Variants in DOCK6 observed in about 807,000 individuals in gnomAD.
The protein encoded by DOCK6 is dedicator of cytokinesis 6, also known as dedicator of cytokinesis protein 6.
DOCK6 carries 167 observed loss-of-function variants against 230.3 expected under a neutral mutation model. The observed-to-expected ratio is 0.73, with a 90% confidence interval of 0.64 to 0.82. The LOEUF is 0.82. DOCK6 is among the 40% of genes least tolerant of loss of function. The probability of loss-of-function intolerance (pLI) is 0.00; values close to 1 mark genes in which losing one functional copy is unlikely to be tolerated. For synonymous variants in DOCK6, 1,148 were observed against 1,185.0 expected (o/e 0.97, Z 0.64); for missense variants, 2,598 against 2,825.8 (o/e 0.92, Z 1.83).
intron 21 of DOCK6, among the ~76,000 whole-genome samples, chr19:11,234,437 AAAG>A (rs1487033144): frequency 1.3e-5 from 2 of 151,904 alleles, no homozygotes; most frequent in African/African-American, 2.4e-5. Context: ...AGAAAAAAAA[AAAG>A]AAGAAAAAAG....
Position 11,233,210 on chromosome 19 carries a change from G to A in DOCK6, c.2711C>T (p.Ala904Val). Reference protein sequence around the residue: ...SVDDEVSRILASKLLHEELAL... With the variant: ...SVDDEVSRILVSKLLHEELAL... ...GGGCCCCCGTTGCCCTACCTTGCTG[G>A]CCAGGATGCGGGAAACCTCGTCATC... is the stretch of plus-strand genomic sequence containing the variant. The change falls in exon 22 of 48, where the codon GCC becomes GTC. Residue 904 changes from alanine to valine, a missense_variant. Transcript: ENST00000294618. 6.2e-7 allele frequency: 1 copy of A among 1,613,206 alleles called. No individual in the cohort carries two copies. Among genetic ancestry groups the A allele is most frequent in the South Asian group, 1.1e-5 (1 of 90,998 alleles).
chr19:11,237,182 G>A (rs1046948068), intron 18 of DOCK6: 9 of 592,622 alleles, frequency 1.5e-5, no homozygotes, highest in African/African-American at 1.3e-4. Context: ...TGCATTCATG[G>A]GGAATGATAA....
chr19:11,249,775 G>A (rs1489285651), intron 6 of DOCK6, among the ~76,000 whole-genome samples: 9 of 149,852 alleles, frequency 6.0e-5, no homozygotes, highest in Admixed American at 4.7e-4. Context: ...GCTGGCGCCT[G>A]TAGTCCCAGC....
chr19:11,235,798 G>T (rs762930194), intron 20 of DOCK6, 39 bp from the exon 21 acceptor site: 1 of 1,548,334 alleles, frequency 6.5e-7, no homozygotes. Flanking sequence ...AGGGCCCAAG[G>T]CCTCTCACCT....
chr19:11,229,846 A>G (rs1462576463), intron 22 of DOCK6, among the ~76,000 whole-genome samples: 2 of 151,712 alleles, frequency 1.3e-5, no homozygotes, highest in Non-Finnish European at 2.9e-5. Context: ...ATAGTCAGAC[A>G]TTGACTCTAC....
At chr19:11,223,143 AC>A (rs762390190) in intron 24 of DOCK6, 37 bp from the exon 25 acceptor site, 1 of 1,588,698 alleles carries the variant, frequency 6.3e-7, no homozygotes, top group Non-Finnish European at 8.6e-7. Context: ...ACACACCCAA[AC>A]CTCAGCCCCG....
intron 22 of DOCK6, chr19:11,229,286 T>A: frequency 7.8e-7 from 1 of 1,275,378 alleles, no homozygotes; most frequent in Non-Finnish European, 1.0e-6. Flanking sequence ...CATCCGCACC[T>A]CCCCCCACTA....
At chr19:11,246,867 A>G (rs952230217) in intron 7 of DOCK6, among the ~76,000 whole-genome samples, 1 of 151,892 alleles carries the variant, frequency 6.6e-6, no homozygotes, top group African/African-American at 2.4e-5. Context: ...AAACTGAAAC[A>G]CTGAGCACTC....
Position 11,214,536 on chromosome 19 carries a change from G to A in DOCK6, c.4203+17C>T. 1 of 1,613,814 alleles carries A rather than the reference G, an allele frequency of 6.2e-7. No homozygotes were observed. Among genetic ancestry groups the A allele is most frequent in the Non-Finnish European group, 8.5e-7 (1 of 1,179,780 alleles). On this transcript the variant is annotated intron_variant, in intron 33 of 47. Coordinates refer to ENST00000294618, the MANE Select transcript of DOCK6 (RefSeq NM_020812.4). ...GTTGGGCTCAGAGCACAAGGCAGAT[G>A]CTGGATCAAGCCCTACCTGCACGAT...
chr19:11,257,945 T>TAC lies in DOCK6; in HGVS notation c.45-4221_45-4220dup, dbSNP rs149743240. ...ACCCCATTTCTAATAAACACAAATGTACACACACACACGCACACAGAAAAA... is the reference window on the plus strand; with the variant it reads ...ACCCCATTTCTAATAAACACAAATGTACACACACACACACGCACACAGAAAAA... On this transcript the variant is annotated intron_variant, in intron 1 of 47. Transcript: ENST00000294618. 6.1e-3 allele frequency among the ~76,000 whole-genome samples: 923 copies of TAC among 151,944 alleles called. 5 individuals are homozygous for TAC. The highest frequency in any genetic ancestry group is 7.7e-3 in the Non-Finnish European group (526 of 67,948).
chr19:11,228,852 A>G (rs1459890238), intron 23 of DOCK6, 88 bp downstream of exon 23: 4 of 1,312,224 alleles, frequency 3.0e-6, no homozygotes, highest in Non-Finnish European at 3.2e-6. Flanking sequence ...GTGAGCCACT[A>G]TGCCTGGCCA....
intron 32 of DOCK6, among the ~76,000 whole-genome samples, chr19:11,214,916 C>T (rs2079456009): frequency 6.6e-6 from 1 of 151,778 alleles, no homozygotes; most frequent in South Asian, 2.1e-4. Context: ...GCTGGGACCA[C>T]AGGCACATGC....
At chr19:11,221,598 AG>A in intron 28 of DOCK6, 1 of 526,028 alleles carries the variant, frequency 1.9e-6, no homozygotes, top group Non-Finnish European at 3.4e-6. Context: ...ACAATATCTC[AG>A]TACTACAGCC....
At chr19:11,237,021 G>A (rs964503570) in intron 18 of DOCK6, 142 bp from the exon 19 acceptor site, 2 of 805,066 alleles carry the variant, frequency 2.5e-6, no homozygotes, top group Admixed American at 2.8e-5. Flanking sequence ...CCCAGCCCTG[G>A]TCCCAGTAGA....
At chr19:11,235,547 A>C in intron 21 of DOCK6, 51 bp downstream of exon 21, 1 of 1,498,628 alleles carries the variant, frequency 6.7e-7, no homozygotes, top group Admixed American at 2.0e-5. Flanking sequence ...CACCGCACCC[A>C]GCCTCTTCTC....
Position 11,211,776 on chromosome 19 carries a change from C to G in DOCK6, c.4751G>C (p.Arg1584Thr). Residue 1584 changes from arginine to threonine, a missense_variant and splice_region_variant, in exon 37 of 48, where the codon AGA (arginine) becomes ACA (threonine). Physicochemically the swap from Arg to Thr is moderately conservative, Grantham distance 71. Coordinates refer to ENST00000294618, the MANE Select transcript of DOCK6 (RefSeq NM_020812.4). ...DPEMLIDLMY[R>T]IARGYQGSPD... ...GAAGGTGCCAGCTGGCCCACCTCAC[C>G]TGTACATGAGGTCGATGAGCATCTC... 1 of 1,549,196 alleles carries G rather than the reference C, an allele frequency of 6.5e-7. No homozygotes were observed. Among genetic ancestry groups the G allele is most frequent in the Non-Finnish European group, 8.7e-7 (1 of 1,144,868 alleles).
chr19:11,254,847 G>C (rs1164446106), intron 1 of DOCK6, among the ~76,000 whole-genome samples: 1 of 152,164 alleles, frequency 6.6e-6, no homozygotes, highest in Non-Finnish European at 1.5e-5. Flanking sequence ...AGTTACCTGA[G>C]GGTAGAGGGT....
At chr19:11,204,489 G>C (rs1415017910) in intron 39 of DOCK6, among the ~76,000 whole-genome samples, 158 bp from the exon 40 acceptor site, 19 of 151,968 alleles carry the variant, frequency 1.3e-4, no homozygotes, top group Admixed American at 1.2e-3. Flanking sequence ...GATAGGGGTT[G>C]AGCCTTTCCA....
At chr19:11,217,474 T>G in intron 28 of DOCK6, 83 bp from the exon 29 acceptor site, 2 of 1,527,288 alleles carry the variant, frequency 1.3e-6, no homozygotes, top group Non-Finnish European at 1.8e-6. Flanking sequence ...TCTTCCCTCA[T>G]GGCCAGGCAC....
Sources: allele counts gnomAD v4.1 joint callset (sites outside exome capture counted in the v4.1 genomes callset), GRCh38; gene constraint gnomAD v4.1.1; transcripts MANE v1.5; gene names NCBI Gene and HGNC (gene_info 2026-07-23, HGNC 2026-07-21).